TPD52: variants seen among roughly 807,000 people sequenced by gnomAD.
TPD52 encodes prostate and colon associated protein.
TPD52 carries 17 observed loss-of-function variants against 31.3 expected under a neutral mutation model. That is an observed-to-expected ratio of 0.54 (90% confidence interval 0.37 to 0.82). TPD52 has a LOEUF of 0.82. Among genes scored for constraint, TPD52 ranks in the 40% least tolerant of loss-of-function variants. The probability of loss-of-function intolerance (pLI) is 0.00; values close to 1 mark genes in which losing one functional copy is unlikely to be tolerated. For missense variants in TPD52, 212 were observed against 240.1 expected, an observed-to-expected ratio of 0.88 and a Z score of 0.77; for synonymous variants, 83 against 89.6, an observed-to-expected ratio of 0.93 and a Z score of 0.42.
intron 1 of TPD52, among the ~76,000 whole-genome samples, chr8:80,094,480 A>ATATATGTATG (rs1350165925): frequency 9.1e-6 from 1 of 110,090 alleles, no homozygotes; most frequent in Admixed American, 9.7e-5. Context: ...ATATATATAT[A>ATATATGTATG]TATATGTATG....
At chr8:80,123,909 A>G (rs528622081) in intron 1 of TPD52, among the ~76,000 whole-genome samples, 1 of 152,348 alleles carries the variant, frequency 6.6e-6, no homozygotes, top group Non-Finnish European at 1.5e-5. Flanking sequence ...AACAGCGTCC[A>G]GTGCAACAGA....
intron 1 of TPD52, 62 bp from the exon 2 acceptor site, chr8:80,064,655 T>C (rs1164788968): frequency 2.6e-6 from 3 of 1,156,192 alleles, no homozygotes; most frequent in Non-Finnish European, 3.9e-6. Context: ...CTATTTAAGC[T>C]CCTCCACTGT....
chr8:80,145,597 C>T (rs779899560), intron 1 of TPD52, among the ~76,000 whole-genome samples: 2 of 152,262 alleles, frequency 1.3e-5, no homozygotes, highest in South Asian at 2.1e-4. Context: ...CTGCACATTC[C>T]GGGCCCACTT....
chr8:80,042,634 C>A lies in TPD52; in HGVS notation c.490G>T (p.Val164Phe). ...SPTFKSFEEK[V>F]ENLKSKVGGT... ...TCTCTACTTGCCTTTAAGTTTTCGA[C>A]CTTTTCTTCAAATGATTTAAAAGTT... is the stretch of plus-strand genomic sequence containing the variant. Residue 164 changes from valine (V) to phenylalanine (F), a missense_variant, in exon 7 of 8, where the codon GTC becomes TTC. Val to Phe is a conservative substitution (Grantham distance 50). Coordinates refer to ENST00000518937, the MANE Select transcript of TPD52 (RefSeq NM_001025253.3). 1.9e-6 allele frequency: 3 copies of A among 1,610,580 alleles called. No individual in the cohort carries two copies. Among genetic ancestry groups the A allele is most frequent in the Non-Finnish European group, 2.5e-6 (3 of 1,178,096 alleles).
At chr8:80,166,708 A>C (rs886705215) in intron 1 of TPD52, among the ~76,000 whole-genome samples, 6 of 151,574 alleles carry the variant, frequency 4.0e-5, no homozygotes, top group African/African-American at 1.5e-4. Flanking sequence ...GTTCGAGACC[A>C]GCCTGACCAA....
rs553483693 is a variant in TPD52 at position 80,073,180 on chromosome 8, T to C, written c.20-8587A>G. On this transcript the variant is annotated intron_variant, in intron 1 of 7. Coordinates refer to ENST00000518937, the MANE Select transcript of TPD52 (RefSeq NM_001025253.3). ...AATTTTTGTTTAAATGTACCTCCCA[T>C]ACTTTTTGGCCCATTTAATTTTTTA... is the stretch of plus-strand genomic sequence containing the variant. 2.0e-5 allele frequency among the ~76,000 whole-genome samples: 3 copies of C among 152,286 alleles called. No individual in the cohort carries two copies. In the South Asian group the frequency reaches 6.2e-4, roughly 32 times the overall value.
Position 80,064,556 on chromosome 8 carries a change from T to C in TPD52, c.57A>G (p.Glu19=), listed in dbSNP as rs1384647016. Residue 19 remains glutamate (E), a synonymous_variant, in exon 2 of 8, where the codon GAA becomes GAG. Coordinates refer to ENST00000518937, the MANE Select transcript of TPD52 (RefSeq NM_001025253.3). ...LRTDPVPEEG[E]DVAATISATE... Reference sequence around the variant, plus strand: ...TGGCACTGATCGTGGCAGCAACATCTTCTCCTTCCTCAGGGACTGGGTCTG... The same window carrying C: ...TGGCACTGATCGTGGCAGCAACATCCTCTCCTTCCTCAGGGACTGGGTCTG... 1 of 1,614,046 alleles carries C rather than the reference T, an allele frequency of 6.2e-7. No homozygotes were observed. The highest frequency in any genetic ancestry group is 8.5e-7 in the Non-Finnish European group (1 of 1,180,028).
chr8:80,094,208 C>T (rs1323712734), intron 1 of TPD52, among the ~76,000 whole-genome samples: 1 of 151,732 alleles, frequency 6.6e-6, no homozygotes, highest in African/African-American at 2.4e-5. Context: ...TCTCCTGAAA[C>T]ACAGCCAGAT....
chr8:80,052,724 TG>T, intron 3 of TPD52: 4 of 1,260,776 alleles, frequency 3.2e-6, no homozygotes, highest in Non-Finnish European at 4.1e-6. Context: ...TATCATAGCA[TG>T]TGTGGTCAAA....
chr8:80,051,244 A>C, intron 4 of TPD52: 1 of 440,492 alleles, frequency 2.3e-6, no homozygotes, highest in South Asian at 2.8e-5. Flanking sequence ...AACCAAAGAC[A>C]TACTTACCCT....
At chr8:80,076,425 T>C (rs527825990) in intron 1 of TPD52, among the ~76,000 whole-genome samples, 1 of 152,042 alleles carries the variant, frequency 6.6e-6, no homozygotes, top group African/African-American at 2.4e-5. Context: ...ACAGGGCACC[T>C]TGTCACTTAT....
intron 1 of TPD52, among the ~76,000 whole-genome samples, chr8:80,077,084 C>T (rs1413853674): frequency 6.6e-6 from 1 of 151,830 alleles, no homozygotes; most frequent in Admixed American, 6.5e-5. Flanking sequence ...AGACCAGCCT[C>T]GCCAATATGG....
chr8:80,095,874 G>A (rs1816688006), intron 1 of TPD52, among the ~76,000 whole-genome samples: 1 of 152,180 alleles, frequency 6.6e-6, no homozygotes, highest in Non-Finnish European at 1.5e-5. Flanking sequence ...CTTGAACCCA[G>A]GAGGCGGAGG....
At chr8:80,111,087 A>G (rs1807468149) in intron 1 of TPD52, among the ~76,000 whole-genome samples, 1 of 152,132 alleles carries the variant, frequency 6.6e-6, no homozygotes, top group Admixed American at 6.5e-5. Context: ...TGATGTGCAC[A>G]TGTAACCTCA....
intron 1 of TPD52, among the ~76,000 whole-genome samples, chr8:80,111,715 T>C (rs1411648631): frequency 2.0e-5 from 3 of 152,168 alleles, no homozygotes; most frequent in East Asian, 1.9e-4. Flanking sequence ...GTTTGCAAGA[T>C]AAAAAGGTTG....
At chr8:80,058,284 C>G (rs897611095) in intron 2 of TPD52, among the ~76,000 whole-genome samples, 2 of 152,122 alleles carry the variant, frequency 1.3e-5, no homozygotes, top group East Asian at 3.8e-4. Context: ...TAAAAACTTA[C>G]ATGAAGGTAT....
intron 1 of TPD52, among the ~76,000 whole-genome samples, chr8:80,088,975 G>A (rs915059385): frequency 1.3e-5 from 2 of 152,192 alleles, no homozygotes; most frequent in South Asian, 2.1e-4. Context: ...GATTACAGGC[G>A]TGAACCACTG....
chr8:80,036,356 A>G lies in TPD52; in HGVS notation c.*1760T>C, dbSNP rs551169993. On this transcript the variant is annotated 3_prime_UTR_variant, in exon 8 of 8. Transcript: ENST00000518937. ...GAAAAAATAATTTAACACTTGAGTAAGCACAATATTTCTATAGAAAGACAG... is the reference window on the plus strand; with the variant it reads ...GAAAAAATAATTTAACACTTGAGTAGGCACAATATTTCTATAGAAAGACAG... The G allele has an allele frequency of 3.9e-5, 6 of 152,762 alleles. No homozygotes were observed. Among genetic ancestry groups the G allele is most frequent in the East Asian group, 1.9e-4 (1 of 5,188 alleles). 9.5% of individuals were successfully genotyped at this position (152,762 alleles called of 1,614,324 possible).
intron 1 of TPD52, among the ~76,000 whole-genome samples, chr8:80,154,739 A>ACG (rs1810823232): frequency 5.8e-5 from 8 of 137,720 alleles, no homozygotes; most frequent in South Asian, 2.2e-4. Context: ...ACACACACAC[A>ACG]CACACACACA....
Sources: gnomAD v4.1 joint callset for allele counts (sites outside exome capture counted in the v4.1 genomes callset) on GRCh38, gnomAD v4.1.1 for gene constraint, MANE v1.5 for transcripts, NCBI Gene and HGNC (gene_info 2026-07-23, HGNC 2026-07-21) for gene names.